The following TUSC3 variants were observed in gnomAD, a reference collection of about 807,000 sequenced individuals.
TUSC3 encodes the protein dolichyl-diphosphooligosaccharide--protein glycosyltransferase subunit TUSC3.
Under a neutral mutation model 44.8 loss-of-function variants are expected in TUSC3, and 45 were observed. The ratio of observed to expected loss-of-function variants is 1.00; its 90% CI spans 0.79 to 1.29. TUSC3 has a LOEUF of 1.29. Ranked by LOEUF, TUSC3 falls within the 50% of genes most tolerant of loss-of-function variation. The pLI is 0.00. For missense variants in TUSC3, 519 were observed against 437.9 expected, an observed-to-expected ratio of 1.19 and a Z score of -1.65; for synonymous variants, 212 against 152.9, an observed-to-expected ratio of 1.39 and a Z score of -2.85.
At chr8:15,439,703 G>T (rs1799995833) in intron 1 of TUSC3, among the ~76,000 whole-genome samples, 1 of 152,184 alleles carries the variant, frequency 6.6e-6, no homozygotes, top group Non-Finnish European at 1.5e-5. Flanking sequence ...TTACAGAGTA[G>T]TTCTTTTTTA....
chr8:15,806,627 G>C, the TUSC3 span: 26 of 1,396,590 alleles, frequency 1.9e-5, no homozygotes, highest in Non-Finnish European at 2.6e-5. Flanking sequence ...AGATCTTTCA[G>C]TGTCATGGAC....
At chr8:15,611,387 C>T (rs1056530188) in intron 1 of TUSC3, among the ~76,000 whole-genome samples, 8 of 152,142 alleles carry the variant, frequency 5.3e-5, no homozygotes, top group Non-Finnish European at 1.0e-4. Context: ...GGAGGTTTCA[C>T]CATGTTGGCT....
At chr8:15,499,631 T>C (rs533241590) in intron 2 of TUSC3, among the ~76,000 whole-genome samples, 2 of 152,306 alleles carry the variant, frequency 1.3e-5, no homozygotes, top group Admixed American at 1.3e-4. Flanking sequence ...ATGTGTCAAC[T>C]TCACTGGTCC....
At chr8:15,728,836 C>T (rs1810601115) in intron 6 of TUSC3, among the ~76,000 whole-genome samples, 1 of 152,098 alleles carries the variant, frequency 6.6e-6, no homozygotes, top group Admixed American at 6.6e-5. Context: ...ACAGCCTTCT[C>T]CTTCCGGAGG....
intron 1 of TUSC3, among the ~76,000 whole-genome samples, chr8:15,468,409 C>G (rs896964441): frequency 5.3e-5 from 8 of 152,142 alleles, no homozygotes; most frequent in African/African-American, 1.9e-4. Flanking sequence ...TCATGATGGA[C>G]ACATTCAACA....
At chr8:15,537,418 C>A (rs1055130471), upstream of TUSC3, among the ~76,000 whole-genome samples, 1 of 152,254 alleles carries the variant, frequency 6.6e-6, no homozygotes, top group Middle Eastern at 3.4e-3. Flanking sequence ...AACCAAGCTG[C>A]ACCCCGACCA....
chr8:15,767,095 A>C (rs1396258329), downstream of TUSC3, among the ~76,000 whole-genome samples: 2 of 152,136 alleles, frequency 1.3e-5, no homozygotes, highest in Non-Finnish European at 2.9e-5. Flanking sequence ...ATAGTAGGAA[A>C]AGGATGAGCA....
chr8:15,566,094 G>A (rs1802659622), intron 1 of TUSC3, among the ~76,000 whole-genome samples: 1 of 152,054 alleles, frequency 6.6e-6, no homozygotes, highest in Admixed American at 6.5e-5. Context: ...AAGCCACTCA[G>A]CCCCTGAACT....
chr8:15,619,359 G>A (rs4831757), intron 1 of TUSC3, among the ~76,000 whole-genome samples: 125,980 of 152,164 alleles, frequency 0.83, 52,442 homozygotes, highest in Non-Finnish European at 0.87. Context: ...TGCTTTTAAA[G>A]TGCTACTTTT....
the TUSC3 span, among the ~76,000 whole-genome samples, chr8:15,775,522 C>A: frequency 6.6e-6 from 1 of 151,810 alleles, no homozygotes; most frequent in Admixed American, 6.6e-5. Context: ...TTTTAACAAC[C>A]TACTAATGCT....
At chr8:15,525,376 T>G (rs1381308080) in intron 2 of TUSC3, among the ~76,000 whole-genome samples, 6 of 152,182 alleles carry the variant, frequency 3.9e-5, no homozygotes, top group Non-Finnish European at 7.3e-5. Context: ...GTAAGGTGAG[T>G]AGAACAAGTT....
the TUSC3 span, among the ~76,000 whole-genome samples, chr8:15,816,316 A>G: frequency 6.6e-6 from 1 of 152,176 alleles, no homozygotes; most frequent in East Asian, 1.9e-4. Context: ...TTGCATGAGT[A>G]TAATCTGTGA....
At chr8:15,417,473 C>G (rs1799674237) in intron 1 of TUSC3, among the ~76,000 whole-genome samples, 1 of 152,112 alleles carries the variant, frequency 6.6e-6, no homozygotes, top group African/African-American at 2.4e-5. Context: ...GATCAGGTGT[C>G]AAGAGAGGAG....
At chr8:15,819,297 T>C in the TUSC3 span, among the ~76,000 whole-genome samples, 1 of 152,214 alleles carries the variant, frequency 6.6e-6, no homozygotes, top group South Asian at 2.1e-4. Context: ...TACTTCTTGT[T>C]CTTATACTTT....
At chr8:15,747,601 T>C (rs1811475404) in intron 8 of TUSC3, among the ~76,000 whole-genome samples, 1 of 152,106 alleles carries the variant, frequency 6.6e-6, no homozygotes, top group Admixed American at 6.6e-5. Context: ...TATTTTATTA[T>C]GCATCTGCTT....
chr8:15,616,247 A>T (rs575461299), intron 1 of TUSC3, among the ~76,000 whole-genome samples: 1 of 152,330 alleles, frequency 6.6e-6, no homozygotes, highest in East Asian at 1.9e-4. Flanking sequence ...TTTTTATACA[A>T]AATTTACTCC....
Position 15,698,363 on chromosome 8 carries a change from T to G in TUSC3, c.798+24527T>G, listed in dbSNP as rs558023675. 3.3e-5 allele frequency among the ~76,000 whole-genome samples: 5 copies of G among 152,324 alleles called. No individual in the cohort carries two copies. The East Asian group carries it at 5.8e-4, about 18-fold the overall frequency. On this transcript the variant is annotated intron_variant, in intron 6 of 10. Transcript: ENST00000503731. ...GTTAGGACTTTACAATTTCTTTCAG[T>G]AAACTTATGAAAACAATTATGAAAT...
intron 1 of TUSC3, among the ~76,000 whole-genome samples, chr8:15,431,958 C>T (rs1010324002): frequency 1.4e-5 from 2 of 140,532 alleles, no homozygotes; most frequent in Non-Finnish European, 3.0e-5. Context: ...CTTTGCATTC[C>T]AGGCATGAAT....
intron 2 of TUSC3, among the ~76,000 whole-genome samples, chr8:15,645,491 C>T (rs761249193): frequency 2.0e-5 from 3 of 152,070 alleles, no homozygotes; most frequent in Admixed American, 6.5e-5. Context: ...CCTCTGTATG[C>T]TGTATAGCAC....
Sources: gnomAD v4.1 joint callset for allele counts (sites outside exome capture counted in the v4.1 genomes callset) on GRCh38, gnomAD v4.1.1 for gene constraint, MANE v1.5 for transcripts, NCBI Gene and HGNC (gene_info 2026-07-23, HGNC 2026-07-21) for gene names.